The following ITPR1 variants were observed in gnomAD, a reference collection of about 807,000 sequenced individuals.
ITPR1 encodes the protein inositol 1,4,5-trisphosphate receptor type 1, also known as inositol 1,4,5-trisphosphate-gated calcium channel ITPR1.
ITPR1 carries 96 observed loss-of-function variants against 318.4 expected under a neutral mutation model. The ratio of observed to expected loss-of-function variants is 0.30; its 90% CI spans 0.26 to 0.36. The LOEUF (loss-of-function observed/expected upper bound fraction) is 0.36, where lower values mean the gene tolerates loss of function less well. Ranked by LOEUF, ITPR1 falls within the 10% of genes least tolerant of loss-of-function variation. The probability of loss-of-function intolerance (pLI) is 1.00; values close to 1 mark genes in which losing one functional copy is unlikely to be tolerated. For synonymous variants in ITPR1, 1,312 were observed against 1,289.9 expected (o/e 1.02, Z -0.37); for missense variants, 2,440 against 3,460.2 (o/e 0.71, Z 7.40).
intron 4 of ITPR1, among the ~76,000 whole-genome samples, chr3:4,524,123 C>G (rs1266332623): frequency 6.6e-6 from 1 of 152,150 alleles, no homozygotes; most frequent in Non-Finnish European, 1.5e-5. Flanking sequence ...TCAGGACTTC[C>G]TTAATTCCAT....
At chr3:4,505,793 C>T (rs1207001161) in intron 2 of ITPR1, among the ~76,000 whole-genome samples, 2 of 152,112 alleles carry the variant, frequency 1.3e-5, no homozygotes, top group African/African-American at 4.8e-5. Context: ...TTTGGTGGTT[C>T]TGGTTTTATT....
At position 4,761,472 on chromosome 3, in the gene ITPR1, T is replaced by C. The variant is rs553040001; in HGVS notation, c.5545-5058T>C. On this transcript the variant is annotated intron_variant, in intron 44 of 61. Coordinates refer to ENST00000649015, the MANE Select transcript of ITPR1 (RefSeq NM_001378452.1). Reference sequence around the variant, plus strand: ...TCTTTTATGGCTGTGTAGTATTCCATGTTTTATATGTACCACGTTTTCTTT... The same window carrying C: ...TCTTTTATGGCTGTGTAGTATTCCACGTTTTATATGTACCACGTTTTCTTT... Among the ~76,000 whole-genome samples the C allele has an allele frequency of 2.0e-5, 3 of 152,332 alleles. No homozygotes were observed. The East Asian group carries it at 5.8e-4, about 29-fold the overall frequency.
intron 4 of ITPR1, among the ~76,000 whole-genome samples, chr3:4,589,239 G>A (rs899358190): frequency 6.6e-6 from 1 of 152,048 alleles, no homozygotes; most frequent in Admixed American, 6.6e-5. Flanking sequence ...TAAGCAAAAG[G>A]TTCACAAAGC....
chr3:4,733,346 C>T, intron 43 of ITPR1, 126 bp downstream of exon 43: 1 of 1,143,004 alleles, frequency 8.7e-7, no homozygotes, highest in Non-Finnish European at 1.2e-6. Flanking sequence ...TATTTTTTAG[C>T]AACTTGTTTT....
At chr3:4,689,092 A>G (rs562137031) in intron 31 of ITPR1, among the ~76,000 whole-genome samples, 1 of 152,180 alleles carries the variant, frequency 6.6e-6, no homozygotes, top group Non-Finnish European at 1.5e-5. Flanking sequence ...ATGATGCCAC[A>G]CTCTATGCAT....
Position 4,681,431 on chromosome 3 carries a change from T to G in ITPR1, c.3161+13T>G. ...TCTTTGGAGGAAGGAAAGTATATTTTCAGTTACTGTTTTGTAGGGAAGGCT... is the reference window on the plus strand; with the variant it reads ...TCTTTGGAGGAAGGAAAGTATATTTGCAGTTACTGTTTTGTAGGGAAGGCT... On this transcript the variant is annotated intron_variant, in intron 26 of 61. Transcript: ENST00000649015. 1 of 1,593,474 alleles carries G rather than the reference T, an allele frequency of 6.3e-7. No homozygotes were observed. The highest frequency in any genetic ancestry group is 1.1e-5 in the South Asian group (1 of 90,626).
chr3:4,508,583 C>A (rs1192815492), intron 2 of ITPR1, among the ~76,000 whole-genome samples: 2 of 150,150 alleles, frequency 1.3e-5, no homozygotes, highest in East Asian at 2.0e-4. Flanking sequence ...TTTTCTATCA[C>A]ACTAAAAGCT....
chr3:4,694,788 A>G (rs983936246), intron 33 of ITPR1, among the ~76,000 whole-genome samples: 28 of 152,266 alleles, frequency 1.8e-4, no homozygotes, highest in Non-Finnish European at 4.4e-5. Flanking sequence ...AAATGTCATT[A>G]GTCAGTACCT....
chr3:4,545,451 C>T lies in ITPR1; in HGVS notation c.163+24357C>T, dbSNP rs189362335. Among the ~76,000 whole-genome samples, 122 of 151,934 alleles carry T rather than the reference C, an allele frequency of 8.0e-4. 2 individuals carry two copies. Among genetic ancestry groups the T allele is most frequent in the African/African-American group, 2.8e-3 (118 of 41,452 alleles). On this transcript the variant is annotated intron_variant, in intron 4 of 61. Transcript: ENST00000649015. ...CAGTCTGGGCAACAAGGTGAGACTCCGTCTCTACAGAAAATAGAATAATTT... is the reference window on the plus strand; with the variant it reads ...CAGTCTGGGCAACAAGGTGAGACTCTGTCTCTACAGAAAATAGAATAATTT...
intron 48 of ITPR1, among the ~76,000 whole-genome samples, chr3:4,778,891 A>G (rs1385457954): frequency 6.6e-6 from 1 of 152,270 alleles, no homozygotes; most frequent in African/African-American, 2.4e-5. Context: ...AAGCATACAA[A>G]GTATCATAGA....
chr3:4,565,159 C>A (rs529594759), intron 4 of ITPR1, among the ~76,000 whole-genome samples: 55 of 152,282 alleles, frequency 3.6e-4, no homozygotes, highest in Admixed American at 7.2e-4. Context: ...CTCATAAGCA[C>A]CCTCTGGAGT....
At chr3:4,820,235 A>G (rs946779490) in intron 60 of ITPR1, among the ~76,000 whole-genome samples, 6 of 152,200 alleles carry the variant, frequency 3.9e-5, no homozygotes, top group Non-Finnish European at 8.8e-5. Context: ...ATGCACAGAT[A>G]ATGACCTTCA....
intron 4 of ITPR1, among the ~76,000 whole-genome samples, chr3:4,547,751 C>T (rs1030320633): frequency 2.6e-5 from 4 of 152,162 alleles, no homozygotes; most frequent in Admixed American, 1.3e-4. Context: ...TAAGTATTTA[C>T]CCAGTCCGAG....
chr3:4,699,865 A>G lies in ITPR1; in HGVS notation c.4460A>G (p.Tyr1487Cys), dbSNP rs778648431. 1.4e-5 allele frequency: 22 copies of G among 1,613,600 alleles called. No homozygotes were observed. The highest frequency in any genetic ancestry group is 3.3e-5 in the Admixed American group (2 of 60,002). Reference sequence around the variant, plus strand: ...CATGCAGACTCGATTTTGGAGAAGTATGTCACCGAAATCGTCATGAGTATT... The same window carrying G: ...CATGCAGACTCGATTTTGGAGAAGTGTGTCACCGAAATCGTCATGAGTATT... ...RKHADSILEK[Y>C]VTEIVMSIVT... The change falls in exon 35 of 62, where the codon TAT (tyrosine) becomes TGT (cysteine). Residue 1487 changes from tyrosine (Y) to cysteine (C), a missense_variant. Tyr to Cys is a radical substitution (Grantham distance 194). Transcript: ENST00000649015.
rs9841903 is a variant in ITPR1 at position 4,619,626 on chromosome 3, C to T, written c.164-8137C>T. Among the ~76,000 whole-genome samples, 53 of 27,912 alleles carry T rather than the reference C, an allele frequency of 1.9e-3. 6 individuals are homozygous for T. Among genetic ancestry groups the T allele is most frequent in the African/African-American group, 0.011 (46 of 4,168 alleles). The allele number at this position is 27,912 out of a possible 152,430, so 18.3% of individuals were successfully genotyped here. A position where few individuals can be genotyped will look rare whatever the true frequency, so the allele number is the denominator to read the frequency against. On this transcript the variant is annotated intron_variant, in intron 4 of 61. Coordinates refer to ENST00000649015, the MANE Select transcript of ITPR1 (RefSeq NM_001378452.1). ...CTCTCCTCTGCCCTCCCCTGCTCTC[C>T]TCTGCTCTCCCCTGCTCTCCTCTGC...
At chr3:4,774,555 T>C (rs13079371) in intron 46 of ITPR1, among the ~76,000 whole-genome samples, 31,646 of 152,212 alleles carry the variant, frequency 0.21, 3,575 homozygotes, top group African/African-American at 0.28. Context: ...TAAAATACTC[T>C]ATTTCTCAAG....
intron 4 of ITPR1, among the ~76,000 whole-genome samples, chr3:4,574,276 G>A (rs956133480): frequency 1.3e-5 from 2 of 151,306 alleles, no homozygotes; most frequent in African/African-American, 4.9e-5. Context: ...TGCCCTTTTG[G>A]CCCCAGATCA....
intron 8 of ITPR1, 127 bp from the exon 9 acceptor site, chr3:4,645,260 G>T (rs191808059): frequency 1.0e-5 from 7 of 697,630 alleles, no homozygotes; most frequent in Non-Finnish European, 1.8e-5. Flanking sequence ...TTTTAGTGGC[G>T]TCAATCTTTA....
rs369478428 is a variant in ITPR1, at chr3:4,768,584, A to G, written c.5799A>G (p.Lys1933=). The G allele has an allele frequency of 5.0e-6, 8 of 1,613,892 alleles. No individual in the cohort carries two copies. The African/African-American group carries it at 9.3e-5, about 19-fold the overall frequency. The change falls in exon 46 of 62, where the codon AAA becomes AAG. Residue 1933 remains lysine (K), a synonymous_variant. Coordinates refer to ENST00000649015, the MANE Select transcript of ITPR1 (RefSeq NM_001378452.1). The stretch of plus-strand genomic sequence containing the variant: ...TGGAGGCCTCCGCTGCCACCAGGAA[A>G]GCCTTCACCACTTTCAGGAGGGAGG... ...QLLEASAATR[K]AFTTFRREAD... is the part of the protein sequence containing the mutation.
Sources: allele counts gnomAD v4.1 joint callset (sites outside exome capture counted in the v4.1 genomes callset), GRCh38; gene constraint gnomAD v4.1.1; transcripts MANE v1.5; gene names NCBI Gene and HGNC (gene_info 2026-07-23, HGNC 2026-07-21).